Variants in SCUBE1 observed in about 807,000 individuals in gnomAD.
SCUBE1 encodes the protein signal peptide, CUB and EGF-like domain-containing protein 1.
A neutral mutation model predicts 124.4 loss-of-function variants in SCUBE1; 59 were observed. The ratio of observed to expected loss-of-function variants is 0.47; its 90% confidence interval spans 0.38 to 0.59. SCUBE1 has a LOEUF of 0.59. Among genes scored for constraint, SCUBE1 ranks in the 20% least tolerant of loss-of-function variants. The pLI, the probability that SCUBE1 is intolerant of heterozygous loss-of-function variation, is 0.00. For synonymous variants in SCUBE1, 545 were observed against 550.9 expected, an observed-to-expected ratio of 0.99 and a Z score of 0.15; for missense variants, 1,150 against 1,371.2, an observed-to-expected ratio of 0.84 and a Z score of 2.55.
intron 3 of SCUBE1, among the ~76,000 whole-genome samples, chr22:43,307,132 C>G (rs1050105378): frequency 2.0e-5 from 3 of 152,254 alleles, no homozygotes; most frequent in Admixed American, 2.0e-4. Context: ...GAGCTCAGCA[C>G]TCGAGGAATT....
chr22:43,317,586 A>G (rs1601886381), intron 3 of SCUBE1, among the ~76,000 whole-genome samples: 3 of 152,204 alleles, frequency 2.0e-5, no homozygotes, highest in Admixed American at 2.0e-4. Context: ...ATCCATGCCC[A>G]TATCCCCTGG....
chr22:43,248,728 G>A (rs548563873), intron 6 of SCUBE1, among the ~76,000 whole-genome samples: 28 of 152,348 alleles, frequency 1.8e-4, no homozygotes, highest in Non-Finnish European at 3.8e-4. Context: ...CACTGGGCCT[G>A]GGGAGCGGCC....
chr22:43,233,100 C>G (rs1284812014), intron 7 of SCUBE1, among the ~76,000 whole-genome samples: 1 of 152,232 alleles, frequency 6.6e-6, no homozygotes, highest in Non-Finnish European at 1.5e-5. Context: ...CACGGTGGCT[C>G]ATGCCTGTAA....
intron 1 of SCUBE1, among the ~76,000 whole-genome samples, chr22:43,342,850 C>T (rs1927371819): frequency 6.6e-6 from 1 of 151,520 alleles, no homozygotes; most frequent in African/African-American, 2.4e-5. Flanking sequence ...CCTCTGCGCT[C>T]GGGGTCCCGC....
chr22:43,313,917 T>C (rs2146777616), intron 3 of SCUBE1, among the ~76,000 whole-genome samples: 1 of 152,366 alleles, frequency 6.6e-6, no homozygotes, highest in East Asian at 1.9e-4. Context: ...CCTGTTTATT[T>C]CTAAGGTGAT....
intron 3 of SCUBE1, among the ~76,000 whole-genome samples, chr22:43,296,031 G>T (rs907847900): frequency 2.0e-5 from 3 of 152,178 alleles, no homozygotes; most frequent in African/African-American, 7.2e-5. Flanking sequence ...TCTCTAACAG[G>T]AGGAGAGTTC....
intron 6 of SCUBE1, among the ~76,000 whole-genome samples, chr22:43,252,127 T>C (rs1311719587): frequency 6.6e-6 from 1 of 152,276 alleles, no homozygotes; most frequent in East Asian, 1.9e-4. Flanking sequence ...TACTCCGTTC[T>C]TCACCTGTGC....
intron 14 of SCUBE1, among the ~76,000 whole-genome samples, chr22:43,220,194 T>C (rs908175882): frequency 6.6e-6 from 1 of 152,218 alleles, no homozygotes; most frequent in Non-Finnish European, 1.5e-5. Flanking sequence ...AAGGGTCATG[T>C]GACTTTTGAG....
At position 43,198,827 on chromosome 22, in the gene SCUBE1, G is replaced by A. The variant is rs1543792; in HGVS notation, c.*5170C>T. On this transcript the variant is annotated 3_prime_UTR_variant, in exon 22 of 22. Coordinates refer to ENST00000360835, the MANE Select transcript of SCUBE1 (RefSeq NM_173050.5). Reference sequence around the variant, plus strand: ...GCTTGTCTGCTGTCTGGGGCAGGGTGTCTGTCTATCTGCTGTCTGGGGAAG... The same window carrying A: ...GCTTGTCTGCTGTCTGGGGCAGGGTATCTGTCTATCTGCTGTCTGGGGAAG... The A allele has an allele frequency of 0.042, 17,379 of 418,518 alleles. 560 individuals are homozygous for A. The highest frequency in any genetic ancestry group is 0.093 in the South Asian group (5,299 of 57,066). 25.9% of individuals were successfully genotyped at this position (418,518 alleles called of 1,614,324 possible).
At chr22:43,337,331 G>C (rs2146802874) in intron 2 of SCUBE1, among the ~76,000 whole-genome samples, 1 of 152,218 alleles carries the variant, frequency 6.6e-6, no homozygotes, top group South Asian at 2.1e-4. Context: ...GGCCTAAGGA[G>C]GAGCTGGGCT....
intron 16 of SCUBE1, chr22:43,213,417 C>T (rs891541888): frequency 6.6e-6 from 1 of 152,228 alleles, no homozygotes; most frequent in Non-Finnish European, 1.5e-5. Flanking sequence ...CCCACTCCCC[C>T]ACCCTCACAG....
intron 3 of SCUBE1, among the ~76,000 whole-genome samples, chr22:43,317,649 TG>T (rs1303290135): frequency 6.6e-6 from 1 of 152,246 alleles, no homozygotes; most frequent in Non-Finnish European, 1.5e-5. Context: ...AAGAGGGCCT[TG>T]GGGACAGACA....
At position 43,335,903 on chromosome 22, in the gene SCUBE1, GATA is replaced by G. The variant is rs1340829071; in HGVS notation, c.220+3198_220+3200del. On this transcript the variant is annotated intron_variant, in intron 2 of 21. Coordinates refer to ENST00000360835, the MANE Select transcript of SCUBE1 (RefSeq NM_173050.5). ...TGGTGATGGTGATGTTGGTGGTGAT[GATA>G]ATGATGATGGTGATGATGGTGGTGA... 5.3e-5 allele frequency among the ~76,000 whole-genome samples: 8 copies of G among 151,864 alleles called. 1 individual carries two copies. Among genetic ancestry groups the G allele is most frequent in the East Asian group, 3.9e-4 (2 of 5,160 alleles).
intron 2 of SCUBE1, among the ~76,000 whole-genome samples, chr22:43,326,528 C>T (rs1926734441): frequency 1.3e-5 from 2 of 152,288 alleles, no homozygotes; most frequent in Admixed American, 6.5e-5. Context: ...GAGACGCGCT[C>T]TCTGAGGGCC....
chr22:43,276,241 G>C (rs1449681933), intron 4 of SCUBE1, among the ~76,000 whole-genome samples: 1 of 152,218 alleles, frequency 6.6e-6, no homozygotes, highest in Non-Finnish European at 1.5e-5. Flanking sequence ...CTGGAGAAGT[G>C]GCCACTGCTG....
At chr22:43,289,493 C>G (rs1463700085) in intron 4 of SCUBE1, among the ~76,000 whole-genome samples, 1 of 152,260 alleles carries the variant, frequency 6.6e-6, no homozygotes, top group African/African-American at 2.4e-5. Flanking sequence ...GCAGGCCCGT[C>G]CTGCCTTTGA....
At chr22:43,216,717 C>G (rs1156380658) in intron 15 of SCUBE1, among the ~76,000 whole-genome samples, 1 of 151,896 alleles carries the variant, frequency 6.6e-6, no homozygotes, top group East Asian at 1.9e-4. Flanking sequence ...CTTTGTCCCC[C>G]CTTGTCAGTA....
chr22:43,280,761 C>CTCCTG (rs1569009842), intron 4 of SCUBE1, among the ~76,000 whole-genome samples: 2 of 105,794 alleles, frequency 1.9e-5, no homozygotes, highest in African/African-American at 8.9e-5. Context: ...TGTCACCTCC[C>CTCCTG]TCATTGGCCA....
intron 4 of SCUBE1, among the ~76,000 whole-genome samples, chr22:43,289,061 C>A (rs9623804): frequency 1.3e-5 from 2 of 152,046 alleles, no homozygotes; most frequent in African/African-American, 4.8e-5. Flanking sequence ...GCCTCAGCTC[C>A]ACCTGGAGTC....
Sources: gnomAD v4.1 joint callset for allele counts (sites outside exome capture counted in the v4.1 genomes callset) on GRCh38, gnomAD v4.1.1 for gene constraint, MANE v1.5 for transcripts, NCBI Gene and HGNC (gene_info 2026-07-23, HGNC 2026-07-21) for gene names.